RDH13: variants seen among roughly 807,000 people sequenced by gnomAD.
RDH13 encodes the protein retinol dehydrogenase 13 (all-trans and 9-cis).
Under a neutral mutation model 28.3 loss-of-function variants are expected in RDH13, and 35 were observed. That is an observed-to-expected ratio of 1.24 (90% CI 0.95 to 1.64). The LOEUF is 1.64. Ranked by LOEUF, RDH13 falls within the 40% of genes most tolerant of loss-of-function variation. The probability of loss-of-function intolerance (pLI) is 0.00; values close to 1 mark genes in which losing one functional copy is unlikely to be tolerated. For missense variants in RDH13, 514 were observed against 446.3 expected, an observed-to-expected ratio of 1.15 and a Z score of -1.37; for synonymous variants, 229 against 198.5, an observed-to-expected ratio of 1.15 and a Z score of -1.29.
At chr19:55,047,081 G>A in intron 6 of RDH13, 1 of 1,263,572 alleles carries the variant, frequency 7.9e-7, no homozygotes, top group Non-Finnish European at 1.0e-6. Flanking sequence ...AGGTGCAGCT[G>A]GTTTGGGGTG....
At position 55,048,648 on chromosome 19, in the gene RDH13, C is replaced by T. The variant is rs774377351; in HGVS notation, c.445+11G>A. The T allele has an allele frequency of 5.0e-6, 8 of 1,613,368 alleles. No individual in the cohort carries two copies. The highest frequency in any genetic ancestry group is 6.8e-6 in the Non-Finnish European group (8 of 1,179,538). On this transcript the variant is annotated intron_variant, in intron 4 of 6. Coordinates refer to ENST00000415061, the MANE Select transcript of RDH13 (RefSeq NM_001145971.2). ...CTTGAACCCATGGTGCAGCCCCTGC[C>T]CAGGCCTCACCCAGGTGGTTAACGC...
At chr19:55,049,134 C>G (rs959214604) in intron 3 of RDH13, among the ~76,000 whole-genome samples, 1 of 152,152 alleles carries the variant, frequency 6.6e-6, no homozygotes, top group Non-Finnish European at 1.5e-5. Flanking sequence ...TTCAGACTGC[C>G]GGCTTCCGGA....
intron 3 of RDH13, among the ~76,000 whole-genome samples, chr19:55,049,403 T>C (rs1203300073): frequency 1.3e-5 from 2 of 152,166 alleles, no homozygotes; most frequent in Non-Finnish European, 2.9e-5. Context: ...CTCAGTTTCC[T>C]CAGCTGTAAA....
Position 55,047,295 on chromosome 19 carries a change from G to A in RDH13, c.760+92C>T, listed in dbSNP as rs930652616. ...GCGAGGAGCAGGCATGAGGCCTCAG[G>A]GACGGTCTCTGAGGGAGGGTCCTGG... On this transcript the variant is annotated intron_variant, in intron 6 of 6. Coordinates refer to ENST00000415061, the MANE Select transcript of RDH13 (RefSeq NM_001145971.2). 9 of 1,526,694 alleles carry A rather than the reference G, an allele frequency of 5.9e-6. No individual in the cohort carries two copies. The East Asian group carries it at 1.9e-4, about 33-fold the overall frequency. The allele number at this position is 1,526,694 out of a possible 1,614,324, so 94.6% of individuals were successfully genotyped here.
At chr19:55,043,689 T>C (rs533804563), downstream of RDH13, among the ~76,000 whole-genome samples, 75 of 152,232 alleles carry the variant, frequency 4.9e-4, no homozygotes, top group African/African-American at 1.5e-3. Context: ...CTGTGGGATA[T>C]TGAGTAGCAT....
At chr19:55,066,575 G>C (rs2075965655), upstream of RDH13, among the ~76,000 whole-genome samples, 1 of 130,566 alleles carries the variant, frequency 7.7e-6, no homozygotes, top group Admixed American at 8.1e-5. Flanking sequence ...CCCTCCTTCT[G>C]TCTTCCTCTA....
rs115499123 is a variant in RDH13 at position 55,059,531 on chromosome 19, G to C, written c.66-256C>G. Among the ~76,000 whole-genome samples the C allele has an allele frequency of 9.8e-3, 1,494 of 151,800 alleles. 42 individuals are homozygous for C. Among genetic ancestry groups the C allele is most frequent in the African/African-American group, 0.034 (1,411 of 41,380 alleles). ...CTCACTGCATGAGATTCCCGGCCAG[G>C]TGAGGGGGCTTGCACCTGTAATCCC... On this transcript the variant is annotated intron_variant, in intron 1 of 6. Coordinates refer to ENST00000415061, the MANE Select transcript of RDH13 (RefSeq NM_001145971.2).
At chr19:55,049,304 A>T (rs1401017151) in intron 3 of RDH13, among the ~76,000 whole-genome samples, 1 of 151,140 alleles carries the variant, frequency 6.6e-6, no homozygotes, top group Non-Finnish European at 1.5e-5. Flanking sequence ...TACCGGTGGG[A>T]GCCCCGGCAC....
At chr19:55,048,838 C>G in intron 3 of RDH13, 75 bp from the exon 4 acceptor site, 1 of 1,276,372 alleles carries the variant, frequency 7.8e-7, no homozygotes, top group South Asian at 1.2e-5. Context: ...AGAAACACTC[C>G]TGTGCTCCCA....
At chr19:55,056,460 A>C (rs2075636410) in intron 3 of RDH13, among the ~76,000 whole-genome samples, 193 bp downstream of exon 3, 1 of 106,544 alleles carries the variant, frequency 9.4e-6, no homozygotes, top group Admixed American at 1.1e-4. Context: ...CCCTCTCAAA[A>C]TAACAGTAGT....
At chr19:55,065,595 T>C (rs1046980934), upstream of RDH13, among the ~76,000 whole-genome samples, 7 of 151,808 alleles carry the variant, frequency 4.6e-5, 2 homozygotes, top group Admixed American at 4.7e-4. Context: ...AGCTTTGTGA[T>C]CCACACAGTG....
At chr19:55,054,814 G>A (rs1341667945) in intron 3 of RDH13, among the ~76,000 whole-genome samples, 2 of 151,458 alleles carry the variant, frequency 1.3e-5, no homozygotes, top group South Asian at 4.2e-4. Context: ...CTGAGCTCAA[G>A]CAATCCTAAG....
At position 55,044,778 on chromosome 19, in the gene RDH13, A is replaced by C; in HGVS notation, c.*296T>G. The stretch of plus-strand genomic sequence containing the variant: ...CGCTGGCTCTCCTGACGTGGCCTGC[A>C]AGTGCACGGAGCCCCTTCCTCCTCG... On this transcript the variant is annotated 3_prime_UTR_variant, in exon 7 of 7. Coordinates refer to ENST00000415061, the MANE Select transcript of RDH13 (RefSeq NM_001145971.2). The C allele has an allele frequency of 2.4e-6, 1 of 422,874 alleles. No individual in the cohort carries two copies. The highest frequency in any genetic ancestry group is 4.2e-6 in the Non-Finnish European group (1 of 239,634). 26.2% of individuals were successfully genotyped at this position (422,874 alleles called of 1,614,324 possible).
At chr19:55,045,671 C>G (rs1012570533) in intron 6 of RDH13, among the ~76,000 whole-genome samples, 1 of 152,106 alleles carries the variant, frequency 6.6e-6, no homozygotes, top group Admixed American at 6.6e-5. Context: ...TTTGGCCAGG[C>G]GAGGTGGCTC....
At chr19:55,050,859 C>G (rs978170956) in intron 3 of RDH13, 3 of 151,954 alleles carry the variant, frequency 2.0e-5, no homozygotes, top group Non-Finnish European at 2.9e-5. Flanking sequence ...ATCTGGTTCT[C>G]TGTGTGAGAA....
intron 5 of RDH13, 97 bp downstream of exon 5, chr19:55,048,232 G>A: frequency 1.3e-6 from 2 of 1,568,296 alleles, no homozygotes; most frequent in Non-Finnish European, 1.7e-6. Flanking sequence ...CTCTGTTCTG[G>A]ATCCACCGTT....
Position 55,045,395 on chromosome 19 carries a change from C to T in RDH13, c.761-86G>A, listed in dbSNP as rs544831073. 805 of 1,034,512 alleles carry T rather than the reference C, an allele frequency of 7.8e-4. 1 individual carries two copies. In the Middle Eastern group the frequency reaches 0.012, roughly 16 times the overall value. The allele number at this position is 1,034,512 out of a possible 1,614,324, so 64.1% of individuals were successfully genotyped here. On this transcript the variant is annotated intron_variant, in intron 6 of 6. Transcript: ENST00000415061. ...GCTCCCCGGTCAGGGAGCTCCGGGT[C>T]CCTGGAGTCCCACAGAGCCCTCCTC...
Position 55,059,227 on chromosome 19 carries a change from C to T in RDH13, c.114G>A (p.Gly38=). 6.2e-7 allele frequency: 1 copy of T among 1,605,738 alleles called. No homozygotes were observed. Among genetic ancestry groups the T allele is most frequent in the Non-Finnish European group, 8.5e-7 (1 of 1,176,212 alleles). ...GACPSKATIP[G]KTVIVTGANT... is the part of the protein sequence containing the mutation. ...TGGCACCCGTCACGATGACCGTCTT[C>T]CCAGGGATGGTGGCCTTGCTGGGGC... The change falls in exon 2 of 7, where the codon GGG becomes GGA. Residue 38 remains glycine (G), a synonymous_variant. Coordinates refer to ENST00000415061, the MANE Select transcript of RDH13 (RefSeq NM_001145971.2).
intron 3 of RDH13, chr19:55,053,797 T>C (rs2075541077): frequency 6.6e-6 from 1 of 152,170 alleles, no homozygotes; most frequent in South Asian, 2.1e-4. Context: ...CTCAGGGACC[T>C]CAGTGCTCCG....
Sources: allele counts gnomAD v4.1 joint callset (sites outside exome capture counted in the v4.1 genomes callset), GRCh38; gene constraint gnomAD v4.1.1; transcripts MANE v1.5; gene names NCBI Gene and HGNC (gene_info 2026-07-23, HGNC 2026-07-21).